Variants in NRXN1 observed in about 807,000 individuals in gnomAD.
NRXN1 encodes the protein neurexin-1.
Under a neutral mutation model 150.9 loss-of-function variants are expected in NRXN1, and 39 were observed. The observed-to-expected ratio is 0.26, with a 90% CI of 0.20 to 0.34. The LOEUF (loss-of-function observed/expected upper bound fraction) is 0.34, where lower values mean the gene tolerates loss of function less well. Ranked by LOEUF, NRXN1 falls within the 10% of genes least tolerant of loss-of-function variation. The pLI, the probability that NRXN1 is intolerant of heterozygous loss-of-function variation, is 1.00. For missense variants in NRXN1, 1,815 were observed against 1,949.9 expected, an observed-to-expected ratio of 0.93 and a Z score of 1.30; for synonymous variants, 924 against 757.0, an observed-to-expected ratio of 1.22 and a Z score of -3.62.
chr2:50,904,653 A>C (rs1160374013), intron 5 of NRXN1, among the ~76,000 whole-genome samples: 1 of 151,016 alleles, frequency 6.6e-6, no homozygotes, highest in Non-Finnish European at 1.5e-5. Flanking sequence ...GTCTGCATTA[A>C]ATGATCAGAC....
intron 12 of NRXN1, among the ~76,000 whole-genome samples, chr2:50,516,015 A>G (rs2092620821): frequency 6.6e-6 from 1 of 152,214 alleles, no homozygotes; most frequent in Non-Finnish European, 1.5e-5. Context: ...TTAACTCCTC[A>G]TTACAGGTTT....
chr2:50,684,347 T>A (rs925624420), intron 5 of NRXN1, among the ~76,000 whole-genome samples: 1 of 151,638 alleles, frequency 6.6e-6, no homozygotes, highest in Non-Finnish European at 1.5e-5. Flanking sequence ...TACAAAAAAA[T>A]ACAAAAATAG....
At chr2:50,893,147 C>G (rs1681342703) in intron 5 of NRXN1, among the ~76,000 whole-genome samples, 1 of 152,156 alleles carries the variant, frequency 6.6e-6, no homozygotes, top group African/African-American at 2.4e-5. Flanking sequence ...CTCATAATTG[C>G]TACCTCCCAA....
Position 50,872,062 on chromosome 2 carries a change from G to C in NRXN1, c.832+49807C>G, listed in dbSNP as rs562715449. Among the ~76,000 whole-genome samples the C allele has an allele frequency of 3.3e-5, 5 of 151,884 alleles. 1 individual carries two copies. The highest frequency in any genetic ancestry group is 1.2e-4 in the African/African-American group (5 of 41,496). ...CTCATAACAAACCCTACTACTCAGAGACAACTACCTTTAACTCTTTCACAT... is the reference window on the plus strand; with the variant it reads ...CTCATAACAAACCCTACTACTCAGACACAACTACCTTTAACTCTTTCACAT... On this transcript the variant is annotated intron_variant, in intron 5 of 22. Transcript: ENST00000401669.
intron 18 of NRXN1, among the ~76,000 whole-genome samples, chr2:50,127,823 A>G (rs955045125): frequency 6.6e-6 from 1 of 152,230 alleles, no homozygotes; most frequent in Non-Finnish European, 1.5e-5. Context: ...CAGGTACAAT[A>G]AAGGTCAGAT....
intron 18 of NRXN1, among the ~76,000 whole-genome samples, chr2:50,142,654 A>G (rs1020255865): frequency 6.6e-6 from 1 of 152,008 alleles, no homozygotes; most frequent in South Asian, 2.1e-4. Flanking sequence ...ATGATTTCAT[A>G]TAACTTTAGT....
chr2:50,921,371 A>G (rs1686009787), intron 5 of NRXN1, among the ~76,000 whole-genome samples: 1 of 151,768 alleles, frequency 6.6e-6, no homozygotes, highest in Admixed American at 6.6e-5. Flanking sequence ...CTCTTTCTTA[A>G]TACTGCCTTT....
At chr2:51,007,843 T>C (rs990230367) in intron 2 of NRXN1, among the ~76,000 whole-genome samples, 6 of 151,906 alleles carry the variant, frequency 3.9e-5, no homozygotes, top group Non-Finnish European at 7.4e-5. Context: ...ATCTTAGGTA[T>C]ATTGTTTGAA....
At chr2:50,373,674 GA>G (rs1232475532) in intron 17 of NRXN1, among the ~76,000 whole-genome samples, 90 of 99,150 alleles carry the variant, frequency 9.1e-4, no homozygotes, top group Middle Eastern at 4.3e-3. Context: ...AAGAAAGAAA[GA>G]AAGAAAAGAA....
At chr2:51,011,013 A>G (rs1169407493) in intron 2 of NRXN1, among the ~76,000 whole-genome samples, 4 of 152,066 alleles carry the variant, frequency 2.6e-5, no homozygotes, top group East Asian at 1.9e-4. Flanking sequence ...GCCTCAAACA[A>G]TTCTCTCACT....
chr2:50,898,573 A>G, intron 5 of NRXN1: 1 of 485,594 alleles, frequency 2.1e-6, no homozygotes, highest in South Asian at 1.5e-5. Flanking sequence ...ATGAAACGGG[A>G]TATTGTGCTC....
At chr2:50,245,300 C>T (rs753857360) in intron 17 of NRXN1, among the ~76,000 whole-genome samples, 1 of 151,780 alleles carries the variant, frequency 6.6e-6, no homozygotes, top group Non-Finnish European at 1.5e-5. Flanking sequence ...CCAATCAGAT[C>T]AGAAAAAATT....
At chr2:49,968,837 C>T (rs1353641189) in intron 21 of NRXN1, among the ~76,000 whole-genome samples, 1 of 151,968 alleles carries the variant, frequency 6.6e-6, no homozygotes, top group East Asian at 1.9e-4. Flanking sequence ...TTCAGTGCTC[C>T]TCTAGTTTTA....
intron 17 of NRXN1, among the ~76,000 whole-genome samples, chr2:50,285,826 G>T (rs1398943261): frequency 6.6e-6 from 1 of 151,070 alleles, no homozygotes; most frequent in Non-Finnish European, 1.5e-5. Flanking sequence ...TTCAATAAAC[G>T]GAGTTTCATT....
At chr2:50,603,758 G>A (rs1283414209) in intron 8 of NRXN1, among the ~76,000 whole-genome samples, 1 of 152,124 alleles carries the variant, frequency 6.6e-6, no homozygotes, top group Non-Finnish European at 1.5e-5. Context: ...AGAGATTAAT[G>A]CTTTCACTTG....
At chr2:50,557,602 C>G (rs1343837573) in intron 8 of NRXN1, among the ~76,000 whole-genome samples, 1 of 152,076 alleles carries the variant, frequency 6.6e-6, no homozygotes, top group Non-Finnish European at 1.5e-5. Flanking sequence ...TCGTAAAGGA[C>G]AATGGTATCT....
intron 10 of NRXN1, among the ~76,000 whole-genome samples, chr2:50,537,088 T>A (rs553473151): frequency 6.6e-6 from 1 of 152,298 alleles, no homozygotes; most frequent in South Asian, 2.1e-4. Flanking sequence ...ATGTACCTCC[T>A]TTTTAAGATA....
At chr2:50,948,512 A>G (rs1247738611) in intron 2 of NRXN1, among the ~76,000 whole-genome samples, 1 of 152,066 alleles carries the variant, frequency 6.6e-6, no homozygotes, top group Non-Finnish European at 1.5e-5. Context: ...AATATTTGCC[A>G]AAATCGTTTG....
At chr2:50,849,377 C>A (rs934448084) in intron 5 of NRXN1, among the ~76,000 whole-genome samples, 1 of 152,162 alleles carries the variant, frequency 6.6e-6, no homozygotes, top group Non-Finnish European at 1.5e-5. Context: ...CCAGGAATGT[C>A]TTTCTCAAGG....
Sources: gnomAD v4.1 joint callset for allele counts (sites outside exome capture counted in the v4.1 genomes callset) on GRCh38, gnomAD v4.1.1 for gene constraint, MANE v1.5 for transcripts, NCBI Gene and HGNC (gene_info 2026-07-23, HGNC 2026-07-21) for gene names.